ABHD12: variants seen among roughly 807,000 people sequenced by gnomAD.
ABHD12 encodes abhydrolase domain containing 12, lysophospholipase.
A neutral mutation model predicts 58.3 loss-of-function variants in ABHD12; 43 were observed. The ratio of observed to expected loss-of-function variants is 0.74; its 90% CI spans 0.58 to 0.95. ABHD12 has a LOEUF of 0.95. ABHD12 is among the 40% of genes least tolerant of loss of function. The probability of loss-of-function intolerance (pLI) is 0.00; values close to 1 mark genes in which losing one functional copy is unlikely to be tolerated. For missense variants in ABHD12, 539 were observed against 537.2 expected (o/e 1.00, Z -0.03); for synonymous variants, 219 against 211.2 (o/e 1.04, Z -0.32).
intron 2 of ABHD12, among the ~76,000 whole-genome samples, chr20:25,331,734 A>C (rs1336836820): frequency 3.3e-5 from 5 of 152,144 alleles, no homozygotes; most frequent in Admixed American, 1.3e-4. Context: ...AAAATAAAAT[A>C]CTTTACAGAC....
chr20:25,302,538 C>T (rs2088657067), intron 11 of ABHD12, among the ~76,000 whole-genome samples, 192 bp from the exon 12 acceptor site: 2 of 152,112 alleles, frequency 1.3e-5, no homozygotes, highest in African/African-American at 4.8e-5. Context: ...AGGCTTGGCT[C>T]CTGGGCACAC....
At chr20:25,341,199 A>G (rs953397739) in intron 1 of ABHD12, among the ~76,000 whole-genome samples, 1 of 152,208 alleles carries the variant, frequency 6.6e-6, no homozygotes, top group African/African-American at 2.4e-5. Flanking sequence ...CTCACAGCCC[A>G]GTGGGCGTTA....
At chr20:25,346,321 AG>A (rs2089518151) in intron 1 of ABHD12, among the ~76,000 whole-genome samples, 1 of 152,224 alleles carries the variant, frequency 6.6e-6, no homozygotes, top group Admixed American at 6.5e-5. Context: ...GGGATGGGGT[AG>A]GGAGGGATGA....
At chr20:25,359,665 G>A (rs1287294084) in intron 1 of ABHD12, among the ~76,000 whole-genome samples, 1 of 151,822 alleles carries the variant, frequency 6.6e-6, no homozygotes, top group Non-Finnish European at 1.5e-5. Context: ...CATCTCCCAG[G>A]TTCAAGCAAT....
chr20:25,320,817 G>A (rs773370988), intron 3 of ABHD12, among the ~76,000 whole-genome samples: 6 of 137,798 alleles, frequency 4.4e-5, no homozygotes, highest in Admixed American at 2.3e-4. Flanking sequence ...CATCGCTGAC[G>A]CCATTTCTAA....
intron 2 of ABHD12, among the ~76,000 whole-genome samples, chr20:25,325,318 C>G (rs923679873): frequency 6.6e-6 from 1 of 152,102 alleles, no homozygotes. Context: ...GAGCCTGGCC[C>G]CTGAGAGGCC....
rs535312650 is a variant in ABHD12, at chr20:25,383,587, G to A, written c.191+6926C>T. The stretch of plus-strand genomic sequence containing the variant: ...TGTAATCCCAGCACTTTGGGAAGCC[G>A]AGGCAGGCGGATCACAAGGTCAGGA... On this transcript the variant is annotated intron_variant, in intron 1 of 12. Transcript: ENST00000339157. Among the ~76,000 whole-genome samples the A allele has an allele frequency of 6.1e-4, 93 of 152,216 alleles. 1 individual carries two copies. The highest frequency in any genetic ancestry group is 1.7e-3 in the African/African-American group (70 of 41,536).
intron 6 of ABHD12, among the ~76,000 whole-genome samples, chr20:25,313,269 A>C (rs2088896388): frequency 6.6e-6 from 1 of 152,306 alleles, no homozygotes; most frequent in Non-Finnish European, 1.5e-5. Context: ...GATGCTGTTG[A>C]TCTATGACCT....
chr20:25,360,264 G>T (rs2089728815), intron 1 of ABHD12, among the ~76,000 whole-genome samples: 2 of 38,294 alleles, frequency 5.2e-5, no homozygotes, highest in Admixed American at 4.7e-4. Flanking sequence ...TTTTTGAGAT[G>T]GAGTCTCACT....
intron 1 of ABHD12, among the ~76,000 whole-genome samples, chr20:25,355,420 G>A (rs1241843298): frequency 2.6e-5 from 4 of 152,146 alleles, no homozygotes; most frequent in Admixed American, 2.0e-4. Flanking sequence ...AAAGCTTTCT[G>A]TTGCCACTTC....
chr20:25,386,407 C>G (rs1007300257), intron 1 of ABHD12, among the ~76,000 whole-genome samples: 5 of 150,814 alleles, frequency 3.3e-5, no homozygotes, highest in African/African-American at 1.2e-4. Flanking sequence ...TACAGGCGCC[C>G]GCCACCACGC....
Position 25,388,792 on chromosome 20 carries a change from T to C in ABHD12, c.191+1721A>G, listed in dbSNP as rs549133524. Among the ~76,000 whole-genome samples the C allele has an allele frequency of 2.7e-5, 4 of 147,348 alleles. No individual in the cohort carries two copies. In the South Asian group the frequency reaches 6.7e-4, roughly 25 times the overall value. On this transcript the variant is annotated intron_variant, in intron 1 of 12. Transcript: ENST00000339157. ...GTAAAACAATTTGATTTTTTCTTTTTTTTTTTTTTTTTTGAGACGGAGTTC... is the reference window on the plus strand; with the variant it reads ...GTAAAACAATTTGATTTTTTCTTTTCTTTTTTTTTTTTTGAGACGGAGTTC...
At chr20:25,322,381 A>ATATATATATATATATATATATTTTTTTT in intron 3 of ABHD12, among the ~76,000 whole-genome samples, 50 of 59,208 alleles carry the variant, frequency 8.4e-4, no homozygotes, top group Admixed American at 1.3e-3. Flanking sequence ...ATATATATAT[A>ATATATATATATATATATATATTTTTTTT]TTTTTTTTTT....
chr20:25,365,144 T>C (rs959981640), intron 1 of ABHD12, among the ~76,000 whole-genome samples: 4 of 152,286 alleles, frequency 2.6e-5, no homozygotes, highest in Non-Finnish European at 4.4e-5. Context: ...TGCTCATTTT[T>C]GTTTCTAGCT....
chr20:25,347,427 ATTTAATTATGAACTACTAAC>A (rs1156454923), intron 1 of ABHD12, among the ~76,000 whole-genome samples: 1 of 152,150 alleles, frequency 6.6e-6, no homozygotes, highest in Non-Finnish European at 1.5e-5. Context: ...TTTTTTCTTC[ATTTAATTATGAACTACTAAC>A]TATATTATTT....
intron 1 of ABHD12, among the ~76,000 whole-genome samples, chr20:25,384,542 C>T (rs1261780025): frequency 6.6e-6 from 1 of 151,458 alleles, no homozygotes; most frequent in Non-Finnish European, 1.5e-5. Context: ...CTCAGGAGTT[C>T]AAGTCCAGCC....
intron 2 of ABHD12, among the ~76,000 whole-genome samples, chr20:25,325,197 C>A (rs2089151857): frequency 8.7e-6 from 1 of 115,094 alleles, no homozygotes; most frequent in Non-Finnish European, 1.7e-5. Flanking sequence ...CAGAGAGACC[C>A]TGTTTCAAAA....
intron 3 of ABHD12, among the ~76,000 whole-genome samples, chr20:25,322,505 G>A (rs1368508945): frequency 6.8e-6 from 1 of 146,060 alleles, no homozygotes; most frequent in Non-Finnish European, 1.5e-5. Flanking sequence ...TCAAACTCCC[G>A]GGTAGCTGGG....
chr20:25,351,195 T>C (rs1475525072), intron 1 of ABHD12, among the ~76,000 whole-genome samples: 1 of 152,230 alleles, frequency 6.6e-6, no homozygotes, highest in Non-Finnish European at 1.5e-5. Flanking sequence ...AACAGTGACA[T>C]CATTGGATCT....
Sources: allele counts gnomAD v4.1 joint callset (sites outside exome capture counted in the v4.1 genomes callset), GRCh38; gene constraint gnomAD v4.1.1; transcripts MANE v1.5; gene names NCBI Gene and HGNC (gene_info 2026-07-23, HGNC 2026-07-21).